GALNT13: variants seen among roughly 807,000 people sequenced by gnomAD.
The protein encoded by GALNT13 is UDP-GalNAc:polypeptide N-acetylgalactosaminyltransferase 13.
A neutral mutation model predicts 64.2 loss-of-function variants in GALNT13; 28 were observed. The observed-to-expected ratio is 0.44, with a 90% confidence interval of 0.32 to 0.60. The LOEUF (loss-of-function observed/expected upper bound fraction) is 0.60. Ranked by LOEUF, GALNT13 falls within the 20% of genes least tolerant of loss-of-function variation. The pLI is 0.05. For synonymous variants in GALNT13, 214 were observed against 224.6 expected (o/e 0.95, Z 0.42); for missense variants, 577 against 669.8 (o/e 0.86, Z 1.53).
chr2:154,426,406 T>C (rs375983633), intron 11 of GALNT13, among the ~76,000 whole-genome samples: 1 of 152,156 alleles, frequency 6.6e-6, no homozygotes, highest in East Asian at 1.9e-4. Context: ...ATGACTGTCC[T>C]GTCATGGTCA....
chr2:153,523,802 T>C, the GALNT13 span, among the ~76,000 whole-genome samples: 2 of 152,170 alleles, frequency 1.3e-5, no homozygotes, highest in Non-Finnish European at 2.9e-5. Context: ...TTACTCTTTT[T>C]TCTTCTCTTA....
the GALNT13 span, among the ~76,000 whole-genome samples, chr2:153,342,919 T>C: frequency 3.3e-5 from 5 of 152,140 alleles, no homozygotes; most frequent in Non-Finnish European, 7.4e-5. Context: ...TGTGGTTTAA[T>C]AACTATGAAA....
the GALNT13 span, among the ~76,000 whole-genome samples, chr2:153,806,068 G>T: frequency 6.6e-6 from 1 of 152,000 alleles, no homozygotes; most frequent in Admixed American, 6.6e-5. Flanking sequence ...TATATCCCTA[G>T]CATCTGACAT....
the GALNT13 span, among the ~76,000 whole-genome samples, chr2:153,639,559 G>C: frequency 2.0e-5 from 3 of 152,144 alleles, no homozygotes; most frequent in Admixed American, 6.6e-5. Flanking sequence ...CAATGAGTGA[G>C]AGAACGTGAC....
chr2:153,779,449 A>G, the GALNT13 span, among the ~76,000 whole-genome samples: 3 of 152,214 alleles, frequency 2.0e-5, no homozygotes, highest in Non-Finnish European at 4.4e-5. Context: ...TTTAATTCTT[A>G]AAGTGCATAT....
At chr2:153,597,656 A>C in the GALNT13 span, among the ~76,000 whole-genome samples, 2 of 152,120 alleles carry the variant, frequency 1.3e-5, no homozygotes, top group African/African-American at 4.8e-5. Flanking sequence ...AAGAAAAATT[A>C]TGCTGCAAAT....
the GALNT13 span, among the ~76,000 whole-genome samples, chr2:153,257,936 T>C: frequency 0.37 from 56,907 of 151,992 alleles, 11,139 homozygotes; most frequent in Middle Eastern, 0.52. Flanking sequence ...ACTGGTCTCA[T>C]ACCATTCCCT....
the GALNT13 span, among the ~76,000 whole-genome samples, chr2:153,390,772 T>TAG: frequency 6.6e-6 from 1 of 152,080 alleles, no homozygotes; most frequent in African/African-American, 2.4e-5. Flanking sequence ...ATGGACCACT[T>TAG]ACGATTCCCG....
At chr2:153,635,686 C>T in the GALNT13 span, among the ~76,000 whole-genome samples, 1 of 152,016 alleles carries the variant, frequency 6.6e-6, no homozygotes, top group South Asian at 2.1e-4. Flanking sequence ...GGTCAGGTGG[C>T]TCTGTGTCCA....
the GALNT13 span, among the ~76,000 whole-genome samples, chr2:153,485,091 A>G: frequency 6.6e-6 from 1 of 152,236 alleles, no homozygotes. Flanking sequence ...ATTGTAGTGG[A>G]CAAATTTTCT....
intron 4 of GALNT13, among the ~76,000 whole-genome samples, chr2:154,241,393 C>T (rs921154647): frequency 3.3e-5 from 5 of 152,222 alleles, no homozygotes; most frequent in African/African-American, 1.2e-4. Context: ...ACTTCCATAT[C>T]AGTGACTGTG....
At chr2:153,081,797 T>G in the GALNT13 span, among the ~76,000 whole-genome samples, 1 of 152,200 alleles carries the variant, frequency 6.6e-6, no homozygotes, top group Non-Finnish European at 1.5e-5. Flanking sequence ...TGCTTCCAAA[T>G]CTTAGTATTG....
intron 9 of GALNT13, among the ~76,000 whole-genome samples, chr2:154,359,802 G>A (rs1454455828): frequency 1.3e-5 from 2 of 152,086 alleles, no homozygotes; most frequent in Admixed American, 6.6e-5. Context: ...GAGCAGATGG[G>A]TATGTAAAGG....
chr2:153,618,308 A>G, the GALNT13 span, among the ~76,000 whole-genome samples: 15 of 151,730 alleles, frequency 9.9e-5, no homozygotes, highest in African/African-American at 3.1e-4. Flanking sequence ...ATATGGTCTA[A>G]TTTCCATGTA....
the GALNT13 span, among the ~76,000 whole-genome samples, chr2:153,089,200 T>G: frequency 2.0e-5 from 3 of 152,204 alleles, no homozygotes; most frequent in Non-Finnish European, 4.4e-5. Flanking sequence ...TTTGTTTTTC[T>G]GAAAAAGACC....
intron 3 of GALNT13, among the ~76,000 whole-genome samples, chr2:154,086,430 T>G (rs1435877190): frequency 2.0e-5 from 3 of 148,334 alleles, no homozygotes; most frequent in Non-Finnish European, 4.5e-5. Flanking sequence ...TATATTTATA[T>G]GTAAATATAT....
the GALNT13 span, among the ~76,000 whole-genome samples, chr2:153,846,116 C>T: frequency 1.3e-5 from 2 of 152,002 alleles, no homozygotes; most frequent in African/African-American, 2.4e-5. Context: ...AGTAGTTAGG[C>T]AGAAGCAAAA....
chr2:153,580,410 G>T, the GALNT13 span, among the ~76,000 whole-genome samples: 1 of 152,008 alleles, frequency 6.6e-6, no homozygotes, highest in Non-Finnish European at 1.5e-5. Context: ...AGTGCTGAAT[G>T]TATAATCAAT....
At chr2:154,386,654 CAGCTATATATTAGACTG>C (rs1397782483) in intron 9 of GALNT13, among the ~76,000 whole-genome samples, 1 of 152,016 alleles carries the variant, frequency 6.6e-6, no homozygotes, top group Non-Finnish European at 1.5e-5. Context: ...CTGAAATATA[CAGCTATATATTAGACTG>C]AGTTAATTCT....
Sources: gnomAD v4.1 joint callset for allele counts (sites outside exome capture counted in the v4.1 genomes callset) on GRCh38, gnomAD v4.1.1 for gene constraint, MANE v1.5 for transcripts, NCBI Gene and HGNC (gene_info 2026-07-23, HGNC 2026-07-21) for gene names.